ZC3H12B: variants seen among roughly 807,000 people sequenced by gnomAD.
ZC3H12B encodes the protein probable ribonuclease ZC3H12B.
ZC3H12B carries 7 observed loss-of-function variants against 43.9 expected under a neutral mutation model. That is an observed-to-expected ratio of 0.16 (90% CI 0.09 to 0.30). The LOEUF (loss-of-function observed/expected upper bound fraction) is 0.30, where lower values mean the gene tolerates loss of function less well. Among genes scored for constraint, ZC3H12B ranks in the 10% least tolerant of loss-of-function variants. The probability of loss-of-function intolerance (pLI) is 1.00; values close to 1 mark genes in which losing one functional copy is unlikely to be tolerated. For missense variants in ZC3H12B, 475 were observed against 670.2 expected (o/e 0.71, Z 3.22); for synonymous variants, 222 against 241.7 (o/e 0.92, Z 0.76).
chrX:65,375,049 T>C (rs1490613772), intron 2 of ZC3H12B, among the ~76,000 whole-genome samples: 1 of 111,682 alleles, frequency 9.0e-6, no homozygotes, highest in Non-Finnish European at 1.9e-5. Context: ...CTTGAATCTC[T>C]AATATCACTC....
chrX:65,251,412 G>A, the ZC3H12B span, among the ~76,000 whole-genome samples: 4 of 111,559 alleles, frequency 3.6e-5, no homozygotes, highest in Non-Finnish European at 7.5e-5. Context: ...GATTGACTTG[G>A]CAATGCGGGC....
chrX:65,255,908 C>G, the ZC3H12B span, among the ~76,000 whole-genome samples: 1 of 112,167 alleles, frequency 8.9e-6, no homozygotes, highest in Non-Finnish European at 1.9e-5. Flanking sequence ...ACAAAACTGA[C>G]TTTAAACCAA....
intron 3 of ZC3H12B, among the ~76,000 whole-genome samples, chrX:65,448,327 G>A (rs1460997378): frequency 8.9e-6 from 1 of 111,932 alleles, no homozygotes; most frequent in Non-Finnish European, 1.9e-5. Flanking sequence ...TATGGAAAAT[G>A]CTATGGAAAT....
At chrX:65,396,954 TA>T (rs1243057171) in intron 2 of ZC3H12B, among the ~76,000 whole-genome samples, 3 of 112,090 alleles carry the variant, frequency 2.7e-5, no homozygotes, top group African/African-American at 9.7e-5. Context: ...TACCATTATG[TA>T]ATGCCTTTCT....
the ZC3H12B span, among the ~76,000 whole-genome samples, chrX:65,083,828 G>A: frequency 9.0e-6 from 1 of 111,416 alleles, no homozygotes; most frequent in East Asian, 2.8e-4. Flanking sequence ...GAAAACTAGA[G>A]GAATCACATT....
chrX:65,274,135 GA>G, the ZC3H12B span, among the ~76,000 whole-genome samples: 4 of 111,919 alleles, frequency 3.6e-5, no homozygotes, highest in East Asian at 5.6e-4. Flanking sequence ...CCATTGTGGG[GA>G]AAAAGTAAGC....
chrX:65,356,384 C>T, the ZC3H12B span, among the ~76,000 whole-genome samples: 1 of 111,782 alleles, frequency 8.9e-6, no homozygotes, highest in African/African-American at 3.2e-5. Context: ...TGTTTATTTC[C>T]TGTCTTTTTC....
At chrX:65,333,714 C>T in the ZC3H12B span, among the ~76,000 whole-genome samples, 1 of 111,459 alleles carries the variant, frequency 9.0e-6, no homozygotes, top group South Asian at 3.7e-4. Flanking sequence ...TTTAAAAACA[C>T]CTGTTAGAGT....
At chrX:65,490,280 G>A (rs905114198) in intron 1 of ZC3H12B, among the ~76,000 whole-genome samples, 15 of 108,007 alleles carry the variant, frequency 1.4e-4, no homozygotes, top group African/African-American at 5.1e-4. Context: ...ATAAGTAGAA[G>A]GAGATGGAAT....
intron 3 of ZC3H12B, among the ~76,000 whole-genome samples, chrX:65,465,694 G>A (rs1030451715): frequency 9.1e-6 from 1 of 110,225 alleles, no homozygotes; most frequent in African/African-American, 3.3e-5. Flanking sequence ...CTCCAATACT[G>A]CCTTATTTTG....
chrX:65,353,660 G>A, the ZC3H12B span, among the ~76,000 whole-genome samples: 1 of 112,019 alleles, frequency 8.9e-6, no homozygotes, highest in Non-Finnish European at 1.9e-5. Flanking sequence ...GAGTCAAGTG[G>A]TCTAGATCAG....
At chrX:65,371,881 G>C (rs2066249233) in intron 2 of ZC3H12B, among the ~76,000 whole-genome samples, 1 of 111,360 alleles carries the variant, frequency 9.0e-6, no homozygotes, top group South Asian at 3.7e-4. Flanking sequence ...TGTTAGTGTA[G>C]ACTTTTTAGA....
the ZC3H12B span, among the ~76,000 whole-genome samples, chrX:65,100,442 G>T: frequency 9.3e-6 from 1 of 107,204 alleles, no homozygotes; most frequent in Non-Finnish European, 1.9e-5. Flanking sequence ...GACACAGAGT[G>T]GCAAGTTGGA....
the ZC3H12B span, among the ~76,000 whole-genome samples, chrX:65,205,404 A>G: frequency 1.8e-5 from 2 of 111,942 alleles, no homozygotes; most frequent in African/African-American, 6.5e-5. Context: ...GGTACACAAC[A>G]TAAATAGAAT....
At chrX:65,220,932 A>T in the ZC3H12B span, among the ~76,000 whole-genome samples, 2 of 111,978 alleles carry the variant, frequency 1.8e-5, no homozygotes, top group Non-Finnish European at 3.8e-5. Context: ...ATTCTCCAAG[A>T]CAGACCATAT....
the ZC3H12B span, among the ~76,000 whole-genome samples, chrX:65,133,923 A>T: frequency 2.7e-5 from 3 of 111,048 alleles, no homozygotes; most frequent in Admixed American, 1.9e-4. Flanking sequence ...CCATTTGCCC[A>T]TTTTTTCGAC....
At chrX:65,130,432 A>C in the ZC3H12B span, among the ~76,000 whole-genome samples, 1 of 111,129 alleles carries the variant, frequency 9.0e-6, no homozygotes, top group Non-Finnish European at 1.9e-5. Context: ...ACCTGGACCA[A>C]GGGGTATTTT....
intron 2 of ZC3H12B, 74 bp downstream of exon 4, chrX:65,369,072 T>A (rs895480407): frequency 1.8e-5 from 2 of 111,858 alleles, no homozygotes; most frequent in African/African-American, 6.5e-5. Flanking sequence ...AGATAATCTG[T>A]GTAATATGAA....
At chrX:65,229,347 C>G in the ZC3H12B span, among the ~76,000 whole-genome samples, 2 of 111,114 alleles carry the variant, frequency 1.8e-5, no homozygotes, top group Non-Finnish European at 1.9e-5. Context: ...AAAGCTGAAA[C>G]TGGATCCCTT....
Sources: gnomAD v4.1 joint callset for allele counts (sites outside exome capture counted in the v4.1 genomes callset) on GRCh38, gnomAD v4.1.1 for gene constraint, MANE v1.5 for transcripts, NCBI Gene and HGNC (gene_info 2026-07-23, HGNC 2026-07-21) for gene names.